The following CDH13 variants were observed in gnomAD, a reference collection of about 807,000 sequenced individuals.
CDH13 encodes the protein cadherin-13.
In CDH13, 24 loss-of-function variants were observed where a neutral mutation model predicts 63.8. The ratio of observed to expected loss-of-function variants is 0.38; its 90% CI spans 0.27 to 0.53. The LOEUF is 0.53. Among genes scored for constraint, CDH13 ranks in the 20% least tolerant of loss-of-function variants. The pLI, the probability that CDH13 is intolerant of heterozygous loss-of-function variation, is 0.85. For synonymous variants in CDH13, 503 were observed against 355.3 expected (o/e 1.42, Z -4.67); for missense variants, 1,049 against 903.1 (o/e 1.16, Z -2.07).
rs552058487 is a variant in CDH13 at position 83,424,715 on chromosome 16, A to G, written c.782-61762A>G. 9.2e-5 allele frequency among the ~76,000 whole-genome samples: 14 copies of G among 152,332 alleles called. No individual in the cohort carries two copies. In the South Asian group the frequency reaches 2.9e-3, roughly 32 times the overall value. Reference sequence around the variant, plus strand: ...CCTAGACAAATGCTCTTGGAACATTATTGTATAATTTCTGGTTCTTTTCTC... The same window carrying G: ...CCTAGACAAATGCTCTTGGAACATTGTTGTATAATTTCTGGTTCTTTTCTC... On this transcript the variant is annotated intron_variant, in intron 6 of 13. Transcript: ENST00000567109.
At chr16:83,355,128 C>G (rs549707029) in intron 6 of CDH13, among the ~76,000 whole-genome samples, 3 of 152,226 alleles carry the variant, frequency 2.0e-5, no homozygotes, top group African/African-American at 7.2e-5. Flanking sequence ...ATGACTTGTG[C>G]TATTCTGTGG....
At chr16:82,709,264 C>G (rs546839778) in intron 1 of CDH13, among the ~76,000 whole-genome samples, 2 of 152,296 alleles carry the variant, frequency 1.3e-5, no homozygotes, top group African/African-American at 4.8e-5. Context: ...CTATTTTAAT[C>G]CCAGGAACCA....
At chr16:83,730,878 A>G (rs1056692662) in intron 10 of CDH13, among the ~76,000 whole-genome samples, 3 of 152,090 alleles carry the variant, frequency 2.0e-5, no homozygotes, top group African/African-American at 2.4e-5. Context: ...TGTGTACTCA[A>G]TGTTTAGCTC....
intron 3 of CDH13, among the ~76,000 whole-genome samples, chr16:83,055,623 G>A (rs2030845948): frequency 6.6e-6 from 1 of 151,872 alleles, no homozygotes; most frequent in Non-Finnish European, 1.5e-5. Context: ...TGTAGCCTAA[G>A]ATAATTCCAA....
intron 1 of CDH13, among the ~76,000 whole-genome samples, chr16:82,711,017 T>C (rs970864429): frequency 6.6e-6 from 1 of 152,012 alleles, no homozygotes. Flanking sequence ...TCATCTCTTC[T>C]TGTGCCAGTG....
intron 1 of CDH13, chr16:82,825,852 A>T (rs2038222912): frequency 6.7e-6 from 1 of 148,428 alleles, no homozygotes; most frequent in African/African-American, 2.5e-5. Flanking sequence ...CAGCCTTAAC[A>T]ATTTTTTTTT....
chr16:83,309,223 G>A (rs1452360704), intron 5 of CDH13, among the ~76,000 whole-genome samples: 1 of 152,170 alleles, frequency 6.6e-6, no homozygotes, highest in Non-Finnish European at 1.5e-5. Flanking sequence ...GCTCCAAAGG[G>A]ATTTTTGCAA....
At chr16:83,322,262 C>T (rs998962151) in intron 5 of CDH13, among the ~76,000 whole-genome samples, 11 of 152,062 alleles carry the variant, frequency 7.2e-5, no homozygotes, top group Admixed American at 7.2e-4. Context: ...TGCTACCCTC[C>T]AAGGAAGTGG....
rs145663057 is a variant in CDH13, at chr16:83,103,434, T to C, written c.367-21951T>C. Among the ~76,000 whole-genome samples the C allele has an allele frequency of 8.8e-3, 1,334 of 151,532 alleles. 20 individuals carry two copies. The highest frequency in any genetic ancestry group is 0.03 in the African/African-American group (1,257 of 41,242). On this transcript the variant is annotated intron_variant, in intron 3 of 13. Transcript: ENST00000567109. ...CTGATTTTTATATTTTTAGTAGAGATGGGGTTTCACCATGTTGGCCAGGCT... is the reference window on the plus strand; with the variant it reads ...CTGATTTTTATATTTTTAGTAGAGACGGGGTTTCACCATGTTGGCCAGGCT...
At chr16:82,760,277 A>C (rs2034783419) in intron 1 of CDH13, among the ~76,000 whole-genome samples, 1 of 152,216 alleles carries the variant, frequency 6.6e-6, no homozygotes, top group Non-Finnish European at 1.5e-5. Flanking sequence ...AAATGCAATT[A>C]GCCTGTTATC....
intron 4 of CDH13, among the ~76,000 whole-genome samples, chr16:83,142,264 C>A (rs1010087670): frequency 6.6e-6 from 1 of 151,648 alleles, no homozygotes. Flanking sequence ...GGGTTCCAGC[C>A]ATTCTCCTGT....
intron 2 of CDH13, among the ~76,000 whole-genome samples, chr16:82,950,904 A>G (rs891380436): frequency 2.6e-5 from 4 of 151,526 alleles, no homozygotes; most frequent in South Asian, 2.1e-4. Context: ...GCATCTGATC[A>G]TAAAGAGAAG....
chr16:83,570,279 G>T (rs1382988544), intron 7 of CDH13, among the ~76,000 whole-genome samples: 1 of 152,064 alleles, frequency 6.6e-6, no homozygotes, highest in Non-Finnish European at 1.5e-5. Flanking sequence ...CCACCTTGAG[G>T]ACTAGCAAAA....
Position 83,152,387 on chromosome 16 carries a change from G to T in CDH13, c.483+26886G>T, listed in dbSNP as rs2037021854. On this transcript the variant is annotated intron_variant, in intron 4 of 13. Coordinates refer to ENST00000567109, the MANE Select transcript of CDH13 (RefSeq NM_001257.5). ...GAAAAATGCATAAAAATACTATTAA[G>T]GGAAAATATAGGTTATAAAACAATA... Among the ~76,000 whole-genome samples the T allele has an allele frequency of 3.9e-5, 6 of 152,212 alleles. No individual in the cohort carries two copies. In the South Asian group the frequency reaches 1.2e-3, roughly 32 times the overall value.
chr16:83,678,364 C>A lies in CDH13; in HGVS notation c.1441C>A (p.Pro481Thr). ...CGAGGGCCCAGTCTTCTACCCAGAC[C>A]CCATGATGGTGACCAGGCAGGAGGA... ...VNEGPVFYPD[P>T]MMVTRQEDLS... The change falls in exon 10 of 14, where the codon CCC becomes ACC. Residue 481 changes from proline to threonine, a missense_variant. Physicochemically the swap from Pro to Thr is conservative, Grantham distance 38. Coordinates refer to ENST00000567109, the MANE Select transcript of CDH13 (RefSeq NM_001257.5). 6.2e-7 allele frequency: 1 copy of A among 1,613,942 alleles called. No individual in the cohort carries two copies. Among genetic ancestry groups the A allele is most frequent in the Non-Finnish European group, 8.5e-7 (1 of 1,179,880 alleles).
At position 83,737,604 on chromosome 16, in the gene CDH13, CT is replaced by C. The variant is rs565364106; in HGVS notation, c.1539-10503del. On this transcript the variant is annotated intron_variant, in intron 10 of 13. Coordinates refer to ENST00000567109, the MANE Select transcript of CDH13 (RefSeq NM_001257.5). ...GAAAGCCCAGCTGTGGGACATAGAC[CT>C]GGTTTCCACCTCAGAGTTTAAATCA... Among the ~76,000 whole-genome samples the C allele has an allele frequency of 2.4e-3, 362 of 152,210 alleles. 1 individual carries two copies. The highest frequency in any genetic ancestry group is 6.8e-3 in the Middle Eastern group (2 of 292).
intron 5 of CDH13, among the ~76,000 whole-genome samples, chr16:83,298,936 A>T (rs1026407985): frequency 1.3e-5 from 2 of 152,204 alleles, no homozygotes; most frequent in Non-Finnish European, 2.9e-5. Flanking sequence ...AATTTATATA[A>T]TTTTTACTGT....
intron 1 of CDH13, among the ~76,000 whole-genome samples, chr16:82,842,768 G>A (rs576161396): frequency 6.6e-6 from 1 of 152,022 alleles, no homozygotes; most frequent in Admixed American, 6.6e-5. Flanking sequence ...TGTAGAATCA[G>A]TGGGAGCCCT....
At chr16:83,005,413 A>G (rs1485934917) in intron 2 of CDH13, among the ~76,000 whole-genome samples, 1 of 152,138 alleles carries the variant, frequency 6.6e-6, no homozygotes, top group Non-Finnish European at 1.5e-5. Context: ...TAAAGTACCA[A>G]GGTAGGCTTA....
Sources: gnomAD v4.1 joint callset for allele counts (sites outside exome capture counted in the v4.1 genomes callset) on GRCh38, gnomAD v4.1.1 for gene constraint, MANE v1.5 for transcripts, NCBI Gene and HGNC (gene_info 2026-07-23, HGNC 2026-07-21) for gene names.